Variants in ECT2 observed in about 807,000 individuals in gnomAD.
ECT2 encodes the protein epithelial cell transforming 2.
ECT2 carries 61 observed loss-of-function variants against 116.9 expected under a neutral mutation model. The ratio of observed to expected loss-of-function variants is 0.52; its 90% CI spans 0.42 to 0.65. The LOEUF (loss-of-function observed/expected upper bound fraction) is 0.65, where lower values mean the gene tolerates loss of function less well. Among genes scored for constraint, ECT2 ranks in the 30% least tolerant of loss-of-function variants. The pLI is 0.00. For synonymous variants in ECT2, 358 were observed against 346.4 expected (o/e 1.03, Z -0.37); for missense variants, 937 against 1,078.7 (o/e 0.87, Z 1.84).
At chr3:172,782,300 G>A (rs1722853985) in intron 15 of ECT2, 69 bp downstream of exon 15, 1 of 839,396 alleles carries the variant, frequency 1.2e-6, no homozygotes, top group Non-Finnish European at 1.8e-6. Flanking sequence ...GGCAAGGAGT[G>A]TAATTTGCCT....
At chr3:172,774,398 C>T (rs948890578) in intron 14 of ECT2, among the ~76,000 whole-genome samples, 31 of 152,016 alleles carry the variant, frequency 2.0e-4, no homozygotes, top group Non-Finnish European at 3.8e-4. Context: ...TGGGTTTTGT[C>T]ATGCTGCCCA....
chr3:172,823,718 A>G (rs1034376854), downstream of ECT2, among the ~76,000 whole-genome samples: 1 of 152,154 alleles, frequency 6.6e-6, no homozygotes, highest in African/African-American at 2.4e-5. Context: ...TAAAAAAACA[A>G]TGTTCATACC....
chr3:172,821,678 G>A (rs1472166161), downstream of ECT2, among the ~76,000 whole-genome samples: 1 of 151,828 alleles, frequency 6.6e-6, no homozygotes, highest in African/African-American at 2.4e-5. Flanking sequence ...TGTAGATAGT[G>A]AATCCTATAA....
intron 24 of ECT2, chr3:172,818,696 T>G: frequency 7.8e-7 from 1 of 1,289,100 alleles, no homozygotes; most frequent in Non-Finnish European, 1.0e-6. Context: ...TCAGAGATAC[T>G]AGAAGGAAAT....
Position 172,816,688 on chromosome 3 carries a change from T to C in ECT2, c.2509-3T>C, listed in dbSNP as rs1729777364. On this transcript the variant is annotated splice_polypyrimidine_tract_variant and splice_region_variant and intron_variant, in intron 23 of 24. Coordinates refer to ENST00000392692, the MANE Select transcript of ECT2 (RefSeq NM_001258315.2). ...GTTTAACTAATTGTAACTTAAACTC[T>C]AGGTTACAAGAGCATTCTCTTTCTC... 6.3e-7 allele frequency: 1 copy of C among 1,587,386 alleles called. No individual in the cohort carries two copies. The highest frequency in any genetic ancestry group is 8.6e-7 in the Non-Finnish European group (1 of 1,162,256).
At chr3:172,825,924 T>G (rs900436933), downstream of ECT2, among the ~76,000 whole-genome samples, 1 of 152,220 alleles carries the variant, frequency 6.6e-6, no homozygotes. Context: ...AGATGGAGTT[T>G]CACTCATTGC....
rs572999721 is a variant in ECT2, at chr3:172,776,408, C to G, written c.1548+2386C>G. Among the ~76,000 whole-genome samples, 27 of 152,082 alleles carry G rather than the reference C, an allele frequency of 1.8e-4. No individual in the cohort carries two copies. The South Asian group carries it at 5.4e-3, about 30-fold the overall frequency. ...AAAAGGAAAAAGGGAGAGAAATACC[C>G]ATAATTCCATTATCCAAAAATGTCT... On this transcript the variant is annotated intron_variant, in intron 14 of 24. Coordinates refer to ENST00000392692, the MANE Select transcript of ECT2 (RefSeq NM_001258315.2).
intron 13 of ECT2, among the ~76,000 whole-genome samples, chr3:172,770,573 C>G (rs1290809381): frequency 6.6e-6 from 1 of 152,080 alleles, no homozygotes; most frequent in East Asian, 1.9e-4. Flanking sequence ...CTTCTGTGCT[C>G]AAGTGATTCT....
intron 22 of ECT2, among the ~76,000 whole-genome samples, chr3:172,813,792 A>G (rs1461883347): frequency 6.6e-6 from 1 of 152,082 alleles, no homozygotes; most frequent in East Asian, 1.9e-4. Flanking sequence ...TAATTGTGGT[A>G]TAATCAGAGA....
chr3:172,804,758 T>C (rs1159796346), intron 20 of ECT2, among the ~76,000 whole-genome samples: 3 of 152,170 alleles, frequency 2.0e-5, no homozygotes, highest in African/African-American at 7.2e-5. Context: ...TTTGATCTTA[T>C]ATCCCCTCCA....
intron 22 of ECT2, among the ~76,000 whole-genome samples, chr3:172,809,595 ACACG>A (rs900934276): frequency 2.7e-5 from 4 of 146,126 alleles, no homozygotes; most frequent in Non-Finnish European, 6.0e-5. Context: ...ACACACACAC[ACACG>A]CACACACACA....
At chr3:172,798,957 C>G (rs961163487) in intron 18 of ECT2, among the ~76,000 whole-genome samples, 1 of 152,148 alleles carries the variant, frequency 6.6e-6, no homozygotes, top group Non-Finnish European at 1.5e-5. Flanking sequence ...TCTTGGCAGA[C>G]CCAGGAACCT....
intron 12 of ECT2, among the ~76,000 whole-genome samples, chr3:172,766,865 A>G (rs1438641572): frequency 2.0e-5 from 3 of 152,124 alleles, no homozygotes; most frequent in Non-Finnish European, 4.4e-5. Context: ...AGGAGAACAT[A>G]AAGGACTGAA....
At chr3:172,803,253 C>A (rs1436431989) in intron 20 of ECT2, among the ~76,000 whole-genome samples, 1 of 152,048 alleles carries the variant, frequency 6.6e-6, no homozygotes, top group African/African-American at 2.4e-5. Context: ...GTCAAGAAAT[C>A]TGATAACTTC....
intron 18 of ECT2, among the ~76,000 whole-genome samples, chr3:172,797,813 A>G (rs1166168988): frequency 1.3e-5 from 2 of 152,232 alleles, no homozygotes; most frequent in African/African-American, 4.8e-5. Flanking sequence ...CATATGCATA[A>G]TACACAAAAG....
intron 18 of ECT2, among the ~76,000 whole-genome samples, chr3:172,794,778 G>A (rs1000062501): frequency 2.6e-5 from 4 of 152,048 alleles, no homozygotes; most frequent in African/African-American, 7.2e-5. Context: ...GCAGTGGCAC[G>A]GTCTCGGCTC....
intron 18 of ECT2, among the ~76,000 whole-genome samples, chr3:172,801,862 A>G (rs1726781011): frequency 1.3e-5 from 2 of 152,162 alleles, no homozygotes; most frequent in Admixed American, 6.5e-5. Context: ...ATTCCCTGTT[A>G]TTCAGTCTTG....
Position 172,805,725 on chromosome 3 carries a change from A to T in ECT2, c.2107-6A>T. The T allele has an allele frequency of 6.2e-7, 1 of 1,610,886 alleles. No homozygotes were observed. The highest frequency in any genetic ancestry group is 1.1e-5 in the South Asian group (1 of 90,514). ...TGACTGATACTTTTTTATTTTCTATAATCAGATAGCAAGAAAACGGCACAA... is the reference window on the plus strand; with the variant it reads ...TGACTGATACTTTTTTATTTTCTATTATCAGATAGCAAGAAAACGGCACAA... On this transcript the variant is annotated splice_region_variant and splice_polypyrimidine_tract_variant and intron_variant, in intron 20 of 24. Coordinates refer to ENST00000392692, the MANE Select transcript of ECT2 (RefSeq NM_001258315.2).
rs1729793809 is a variant in ECT2, at chr3:172,816,768, G to A, written c.2586G>A (p.Val862=). ...CTCTTATGACATCCCACGGCTCAGT[G>A]GAGGGAAGAAGTCCTTCCAGCAATG... ...RRALMTSHGS[V]EGRSPSSNDK... is the part of the protein sequence containing the mutation. Residue 862 remains valine, a synonymous_variant, in exon 24 of 25, where the codon GTG becomes GTA. Transcript: ENST00000392692. 6.2e-7 allele frequency: 1 copy of A among 1,611,190 alleles called. No individual in the cohort carries two copies. The highest frequency in any genetic ancestry group is 1.3e-5 in the African/African-American group (1 of 74,808).
Sources: gnomAD v4.1 joint callset for allele counts (sites outside exome capture counted in the v4.1 genomes callset) on GRCh38, gnomAD v4.1.1 for gene constraint, MANE v1.5 for transcripts, NCBI Gene and HGNC (gene_info 2026-07-23, HGNC 2026-07-21) for gene names.